ZNRF2: variants seen among roughly 807,000 people sequenced by gnomAD.
ZNRF2 encodes zinc and ring finger 2, also known as E3 ubiquitin-protein ligase ZNRF2.
ZNRF2 carries 16 observed loss-of-function variants against 20.4 expected under a neutral mutation model. The ratio of observed to expected loss-of-function variants is 0.79; its 90% CI spans 0.53 to 1.19. ZNRF2 has a LOEUF of 1.19. ZNRF2 is among the 50% of genes most tolerant of loss of function. The probability of loss-of-function intolerance (pLI) is 0.00; values close to 1 mark genes in which losing one functional copy is unlikely to be tolerated. For missense variants in ZNRF2, 363 were observed against 332.4 expected, an observed-to-expected ratio of 1.09 and a Z score of -0.72; for synonymous variants, 178 against 144.9, an observed-to-expected ratio of 1.23 and a Z score of -1.64.
chr7:30,286,419 A>G (rs1798791225), intron 1 of ZNRF2, among the ~76,000 whole-genome samples: 1 of 152,256 alleles, frequency 6.6e-6, no homozygotes, highest in Non-Finnish European at 1.5e-5. Flanking sequence ...ACTTAAGATC[A>G]CAGTTAATGT....
intron 1 of ZNRF2, among the ~76,000 whole-genome samples, chr7:30,295,050 A>AGAGAGAGTGTGTGTGTGT (rs1412764480): frequency 2.6e-5 from 1 of 38,282 alleles, no homozygotes; most frequent in East Asian, 1.0e-3. Flanking sequence ...AGAGAGAGAG[A>AGAGAGAGTGTGTGTGTGT]GTGTGTGTGT....
At chr7:30,302,731 C>A (rs552610133) in intron 1 of ZNRF2, among the ~76,000 whole-genome samples, 11 of 152,032 alleles carry the variant, frequency 7.2e-5, no homozygotes, top group African/African-American at 9.7e-5. Context: ...GAACTGGTGG[C>A]GGTATCATCA....
intron 2 of ZNRF2, among the ~76,000 whole-genome samples, chr7:30,350,023 T>G (rs1172282026): frequency 4.6e-5 from 7 of 152,090 alleles, no homozygotes; most frequent in African/African-American, 1.7e-4. Flanking sequence ...AATAATTTCC[T>G]AGACAACTTG....
At position 30,285,292 on chromosome 7, in the gene ZNRF2, G is replaced by T. The variant is rs1798753212; in HGVS notation, c.-66G>T. On this transcript the variant is annotated 5_prime_UTR_variant, in exon 1 of 5. Coordinates refer to ENST00000323037, the MANE Select transcript of ZNRF2 (RefSeq NM_147128.4). Reference sequence around the variant, plus strand: ...GCCTGGGCCCTGCCCTCTAGCTCCCGCGCTCGCTCCCGCCCTCCCGGCTCT... The same window carrying T: ...GCCTGGGCCCTGCCCTCTAGCTCCCTCGCTCGCTCCCGCCCTCCCGGCTCT... The T allele has an allele frequency of 3.8e-6, 4 of 1,040,290 alleles. No homozygotes were observed. The highest frequency in any genetic ancestry group is 4.6e-6 in the Non-Finnish European group (4 of 864,938). 64.4% of individuals were successfully genotyped at this position (1,040,290 alleles called of 1,614,324 possible). A position where few individuals can be genotyped will look rare whatever the true frequency, so the allele number is the denominator to read the frequency against.
chr7:30,289,096 G>A (rs1035666802), intron 1 of ZNRF2: 1 of 152,174 alleles, frequency 6.6e-6, no homozygotes, highest in African/African-American at 2.4e-5. Flanking sequence ...AAGTGAAAAT[G>A]TAAAATGACT....
chr7:30,304,011 C>G (rs2128058417), intron 1 of ZNRF2, among the ~76,000 whole-genome samples: 1 of 152,250 alleles, frequency 6.6e-6, no homozygotes, highest in South Asian at 2.1e-4. Flanking sequence ...ATAGATTTTA[C>G]TTAAAGTTGC....
At position 30,367,352 on chromosome 7, in the gene ZNRF2, A is replaced by G. The variant is rs1208515905; in HGVS notation, c.*1340A>G. 2.6e-5 allele frequency: 4 copies of G among 152,410 alleles called. No homozygotes were observed. The highest frequency in any genetic ancestry group is 5.9e-5 in the Non-Finnish European group (4 of 67,882). The allele number at this position is 152,410 out of a possible 1,614,324, so 9.4% of individuals were successfully genotyped here. On this transcript the variant is annotated 3_prime_UTR_variant, in exon 5 of 5. Transcript: ENST00000323037. The stretch of plus-strand genomic sequence containing the variant: ...AGAGTTGTCAGGGCTACAATAGTGA[A>G]TGTCCTTTTTTTTAATATCAAAAAT...
chr7:30,356,895 C>T (rs998017529), intron 3 of ZNRF2, among the ~76,000 whole-genome samples: 3 of 151,886 alleles, frequency 2.0e-5, no homozygotes, highest in Non-Finnish European at 4.4e-5. Context: ...TTAGTAGAAA[C>T]GGGGTTTCAC....
chr7:30,314,077 G>C (rs896131729), intron 1 of ZNRF2, among the ~76,000 whole-genome samples: 1 of 152,164 alleles, frequency 6.6e-6, no homozygotes, highest in Admixed American at 6.5e-5. Context: ...TAGTGGTTTA[G>C]TTCTTTCCCT....
intron 2 of ZNRF2, 117 bp from the exon 3 acceptor site, chr7:30,355,611 G>A (rs780469593): frequency 1.9e-4 from 132 of 698,228 alleles, no homozygotes; most frequent in Non-Finnish European, 2.7e-4. Flanking sequence ...TATTTCTGGC[G>A]AAAAGATATG....
intron 1 of ZNRF2, among the ~76,000 whole-genome samples, chr7:30,302,529 T>C (rs1799134675): frequency 6.6e-6 from 1 of 151,554 alleles, no homozygotes. Context: ...ATGATATAAA[T>C]TAAAGTACTA....
At position 30,367,459 on chromosome 7, in the gene ZNRF2, A is replaced by C. The variant is rs530815547; in HGVS notation, c.*1447A>C. The C allele has an allele frequency of 7.9e-5, 12 of 152,458 alleles. No homozygotes were observed. Among genetic ancestry groups the C allele is most frequent in the Admixed American group, 3.9e-4 (6 of 15,268 alleles). The allele number at this position is 152,458 out of a possible 1,614,324, so 9.4% of individuals were successfully genotyped here. On this transcript the variant is annotated 3_prime_UTR_variant, in exon 5 of 5. Coordinates refer to ENST00000323037, the MANE Select transcript of ZNRF2 (RefSeq NM_147128.4). ...GGTGTACTTTACTTGGTATAATTTA[A>C]AGTTGCACAGTAAGTACTGTTTCCT...
chr7:30,331,584 C>T (rs1051130992), intron 2 of ZNRF2, among the ~76,000 whole-genome samples: 4 of 152,062 alleles, frequency 2.6e-5, no homozygotes, highest in African/African-American at 9.7e-5. Flanking sequence ...TGAGAGCATA[C>T]ACCATACATA....
At chr7:30,339,391 A>G (rs1013928175) in intron 2 of ZNRF2, among the ~76,000 whole-genome samples, 11 of 152,124 alleles carry the variant, frequency 7.2e-5, no homozygotes, top group African/African-American at 2.4e-4. Flanking sequence ...TAGGGTTTTT[A>G]TGGTTTTAGG....
intron 3 of ZNRF2, among the ~76,000 whole-genome samples, chr7:30,356,545 A>G (rs1339003779): frequency 6.6e-6 from 1 of 152,192 alleles, no homozygotes; most frequent in Non-Finnish European, 1.5e-5. Context: ...TATACATAAC[A>G]TTTGAAAGTA....
chr7:30,289,226 A>G (rs1213897591), intron 1 of ZNRF2, among the ~76,000 whole-genome samples: 1 of 152,168 alleles, frequency 6.6e-6, no homozygotes. Flanking sequence ...GTGCCTTGCT[A>G]CTTGTGAAAC....
intron 2 of ZNRF2, among the ~76,000 whole-genome samples, chr7:30,346,965 C>CAGTG (rs796710382): frequency 1.9e-4 from 29 of 152,178 alleles, no homozygotes; most frequent in African/African-American, 7.0e-4. Flanking sequence ...GACTTTTTCA[C>CAGTG]TGCCTCTGAA....
chr7:30,324,457 G>A (rs1371496555), intron 2 of ZNRF2, among the ~76,000 whole-genome samples: 4 of 151,482 alleles, frequency 2.6e-5, no homozygotes, highest in Non-Finnish European at 5.9e-5. Flanking sequence ...GCTGAGGCAG[G>A]AGAATCGCTT....
chr7:30,329,083 T>G (rs1266704001), intron 2 of ZNRF2, among the ~76,000 whole-genome samples: 4 of 152,204 alleles, frequency 2.6e-5, no homozygotes, highest in Non-Finnish European at 5.9e-5. Context: ...ATTTCCTTGC[T>G]CCTTCTAGGA....
Sources: gnomAD v4.1 joint callset for allele counts (sites outside exome capture counted in the v4.1 genomes callset) on GRCh38, gnomAD v4.1.1 for gene constraint, MANE v1.5 for transcripts, NCBI Gene and HGNC (gene_info 2026-07-23, HGNC 2026-07-21) for gene names.